The following DISC1 variants were observed in gnomAD, a reference collection of about 807,000 sequenced individuals.
The protein encoded by DISC1 is disrupted in schizophrenia 1 protein.
Under a neutral mutation model 84.5 loss-of-function variants are expected in DISC1, and 57 were observed. That is an observed-to-expected ratio of 0.67 (90% confidence interval 0.55 to 0.84). The LOEUF is 0.84. DISC1 is among the 40% of genes least tolerant of loss of function. The pLI, the probability that DISC1 is intolerant of heterozygous loss-of-function variation, is 0.00. For missense variants in DISC1, 1,000 were observed against 1,057.8 expected, an observed-to-expected ratio of 0.95 and a Z score of 0.76; for synonymous variants, 411 against 415.2, an observed-to-expected ratio of 0.99 and a Z score of 0.12.
rs988563320 is a variant in DISC1 at position 232,022,894 on chromosome 1, A to G, written c.2308-3541A>G. 2.0e-5 allele frequency among the ~76,000 whole-genome samples: 3 copies of G among 152,214 alleles called. No homozygotes were observed. In the East Asian group the frequency reaches 5.8e-4, roughly 29 times the overall value. ...GTAGAGGTTCCTGCACAAGCCTGAG[A>G]GAGATCCTGTAACTTGTGCCTTGGA... is the stretch of plus-strand genomic sequence containing the variant. On this transcript the variant is annotated intron_variant, in intron 11 of 12. Coordinates refer to ENST00000439617, the MANE Select transcript of DISC1 (RefSeq NM_018662.3).
chr1:231,896,835 G>A (rs1558704565), intron 9 of DISC1, among the ~76,000 whole-genome samples: 2 of 152,158 alleles, frequency 1.3e-5, no homozygotes, highest in Admixed American at 6.5e-5. Flanking sequence ...AAATAGAGGC[G>A]CCACTGCTGG....
chr1:231,743,684 G>A (rs898823468), intron 3 of DISC1, among the ~76,000 whole-genome samples: 1 of 152,252 alleles, frequency 6.6e-6, no homozygotes, highest in Non-Finnish European at 1.5e-5. Context: ...TAAGTGGGGT[G>A]TCTGAATTAG....
At chr1:232,002,207 C>CA (rs141064716) in intron 10 of DISC1, among the ~76,000 whole-genome samples, 7,891 of 150,772 alleles carry the variant, frequency 0.052, 305 homozygotes, top group East Asian at 0.21. Context: ...ATGGCAAAAA[C>CA]AAAAAAAAAT....
chr1:231,769,685 T>C (rs867037534), intron 5 of DISC1, among the ~76,000 whole-genome samples: 3 of 152,156 alleles, frequency 2.0e-5, no homozygotes, highest in African/African-American at 7.2e-5. Flanking sequence ...TGTGGATGGA[T>C]GGCAGTGATG....
chr1:231,752,179 A>T (rs538700994), intron 4 of DISC1, among the ~76,000 whole-genome samples: 1 of 152,318 alleles, frequency 6.6e-6, no homozygotes, highest in South Asian at 2.1e-4. Context: ...TGGAGAGTGT[A>T]TTAGTCCATT....
At chr1:231,900,216 A>G (rs527752980) in intron 9 of DISC1, among the ~76,000 whole-genome samples, 1 of 152,300 alleles carries the variant, frequency 6.6e-6, no homozygotes, top group South Asian at 2.1e-4. Context: ...ATCAGCTGAC[A>G]CTGAAGCTCC....
intron 6 of DISC1, among the ~76,000 whole-genome samples, chr1:231,781,672 C>T (rs2077444021): frequency 6.6e-6 from 1 of 152,178 alleles, no homozygotes; most frequent in Non-Finnish European, 1.5e-5. Flanking sequence ...ATTTACATGT[C>T]TTTTGCAATC....
At position 231,997,651 on chromosome 1, in the gene DISC1, G is replaced by T. The variant is rs1004868755; in HGVS notation, c.2043-11134G>T. 3.7e-4 allele frequency among the ~76,000 whole-genome samples: 56 copies of T among 152,152 alleles called. 1 individual carries two copies. The highest frequency in any genetic ancestry group is 1.3e-3 in the African/African-American group (54 of 41,520). On this transcript the variant is annotated intron_variant, in intron 10 of 12. Transcript: ENST00000439617. ...TGCCTGGGAGGGGGTCAAGCAGATG[G>T]CCAGGATTTCAGCATCTCCATCCTC...
chr1:231,629,477 A>G (rs2058532331), intron 1 of DISC1: 1 of 152,874 alleles, frequency 6.5e-6, no homozygotes, highest in African/African-American at 2.4e-5. Flanking sequence ...AACAATTCCT[A>G]GTTTATTTGT....
intron 10 of DISC1, among the ~76,000 whole-genome samples, chr1:231,985,418 C>T (rs560376055): frequency 9.0e-4 from 137 of 151,492 alleles, no homozygotes; most frequent in African/African-American, 2.9e-3. Context: ...GTATGAAAAG[C>T]ATGTTTTCAC....
intron 9 of DISC1, among the ~76,000 whole-genome samples, chr1:231,838,353 T>A (rs2082775917): frequency 6.6e-6 from 1 of 152,202 alleles, no homozygotes; most frequent in Non-Finnish European, 1.5e-5. Flanking sequence ...GACTCCATGT[T>A]CCTCAAGGAA....
At chr1:232,001,983 A>G (rs1313635358) in intron 10 of DISC1, among the ~76,000 whole-genome samples, 1 of 152,234 alleles carries the variant, frequency 6.6e-6, no homozygotes, top group African/African-American at 2.4e-5. Context: ...GTAACCATAT[A>G]TATCTGACAA....
intron 1 of DISC1, among the ~76,000 whole-genome samples, chr1:231,664,886 C>A (rs1471300652): frequency 6.7e-6 from 1 of 149,080 alleles, no homozygotes. Context: ...GCAGACAAAC[C>A]ATGTATCCTA....
intron 9 of DISC1, among the ~76,000 whole-genome samples, chr1:231,932,332 C>T (rs202013450): frequency 2.0e-5 from 3 of 151,982 alleles, no homozygotes; most frequent in Non-Finnish European, 4.4e-5. Context: ...AATATTTGTC[C>T]CACATTTGAT....
At chr1:231,905,127 T>G (rs927894835) in intron 9 of DISC1, among the ~76,000 whole-genome samples, 2 of 152,162 alleles carry the variant, frequency 1.3e-5, no homozygotes, top group African/African-American at 4.8e-5. Flanking sequence ...ATCAACGTTA[T>G]CATCAGCAAT....
intron 9 of DISC1, among the ~76,000 whole-genome samples, chr1:231,889,173 CTG>C (rs779580589): frequency 6.6e-6 from 1 of 152,178 alleles, no homozygotes; most frequent in Non-Finnish European, 1.5e-5. Flanking sequence ...ACAGCAAGAA[CTG>C]AGAGTTCTGG....
At chr1:231,887,411 T>C (rs1028570822) in intron 9 of DISC1, among the ~76,000 whole-genome samples, 9 of 152,152 alleles carry the variant, frequency 5.9e-5, no homozygotes, top group African/African-American at 2.2e-4. Flanking sequence ...TCTTTTCCAT[T>C]TGAAGGTGGA....
chr1:231,824,637 G>A (rs1159906129), intron 9 of DISC1, among the ~76,000 whole-genome samples: 3 of 152,152 alleles, frequency 2.0e-5, no homozygotes, highest in African/African-American at 7.2e-5. Context: ...TTAAGTCGCT[G>A]TGATAATTCT....
chr1:231,903,777 A>G (rs997186076), intron 9 of DISC1, among the ~76,000 whole-genome samples: 2 of 152,246 alleles, frequency 1.3e-5, no homozygotes, highest in African/African-American at 4.8e-5. Flanking sequence ...GAGAACAGCA[A>G]AGAAAAGGGC....
Sources: gnomAD v4.1 joint callset for allele counts (sites outside exome capture counted in the v4.1 genomes callset) on GRCh38, gnomAD v4.1.1 for gene constraint, MANE v1.5 for transcripts, NCBI Gene and HGNC (gene_info 2026-07-23, HGNC 2026-07-21) for gene names.